ZMYM2: variants seen among roughly 807,000 people sequenced by gnomAD.
ZMYM2 encodes zinc finger MYM-type protein 2.
A neutral mutation model predicts 162.8 loss-of-function variants in ZMYM2; 56 were observed. That is an observed-to-expected ratio of 0.34 (90% CI 0.28 to 0.43). The LOEUF is 0.43. Among genes scored for constraint, ZMYM2 ranks in the 20% least tolerant of loss-of-function variants. The probability of loss-of-function intolerance (pLI) is 1.00; values close to 1 mark genes in which losing one functional copy is unlikely to be tolerated. For synonymous variants in ZMYM2, 510 were observed against 541.6 expected (o/e 0.94, Z 0.81); for missense variants, 1,275 against 1,621.8 (o/e 0.79, Z 3.67).
chr13:20,059,623 G>A, intron 16 of ZMYM2, 61 bp downstream of exon 16: 2 of 799,072 alleles, frequency 2.5e-6, no homozygotes, highest in Non-Finnish European at 4.5e-6. Flanking sequence ...TGGGAAAACA[G>A]TGTACAGTTG....
intron 2 of ZMYM2, among the ~76,000 whole-genome samples, chr13:19,980,256 C>T (rs1340921554): frequency 6.6e-6 from 1 of 151,902 alleles, no homozygotes; most frequent in Non-Finnish European, 1.5e-5. Flanking sequence ...CAGTTGCTTC[C>T]CAGTTGTTTT....
At chr13:19,912,212 T>G in the ZMYM2 span, among the ~76,000 whole-genome samples, 1 of 150,728 alleles carries the variant, frequency 6.6e-6, no homozygotes, top group East Asian at 2.0e-4. Flanking sequence ...AGGCCAGTAA[T>G]ACACTCTCAC....
At chr13:20,069,899 A>G (rs959921571) in intron 21 of ZMYM2, among the ~76,000 whole-genome samples, 1 of 151,900 alleles carries the variant, frequency 6.6e-6, no homozygotes, top group Non-Finnish European at 1.5e-5. Context: ...ATGCCCTGGT[A>G]TCTCAAAATC....
rs1958278717 is a variant in ZMYM2, at chr13:20,086,551, C to T, written c.*537C>T. The T allele has an allele frequency of 4.8e-6, 1 of 209,382 alleles. No homozygotes were observed. Among genetic ancestry groups the T allele is most frequent in the East Asian group, 7.1e-5 (1 of 14,008 alleles). The allele number at this position is 209,382 out of a possible 1,614,324, so 13.0% of individuals were successfully genotyped here. On this transcript the variant is annotated 3_prime_UTR_variant, in exon 25 of 25. Transcript: ENST00000610343. Reference sequence around the variant, plus strand: ...GGTTTTACATTTTAGTTACTGAAGCCTTACAAGGTTATGTAGAGAGATACC... The same window carrying T: ...GGTTTTACATTTTAGTTACTGAAGCTTTACAAGGTTATGTAGAGAGATACC...
At chr13:19,905,006 A>ATTTTTTT in the ZMYM2 span, among the ~76,000 whole-genome samples, 2 of 129,920 alleles carry the variant, frequency 1.5e-5, no homozygotes, top group Admixed American at 8.3e-5. Flanking sequence ...CTTGCTTTCA[A>ATTTTTTT]TTTTTTTTTT....
intron 21 of ZMYM2, among the ~76,000 whole-genome samples, chr13:20,073,021 C>A (rs1208194818): frequency 6.6e-6 from 1 of 151,934 alleles, no homozygotes; most frequent in Non-Finnish European, 1.5e-5. Context: ...TGAATCCCTG[C>A]CTCAGCCTCC....
the ZMYM2 span, among the ~76,000 whole-genome samples, chr13:19,918,328 C>G: frequency 0.29 from 43,181 of 150,958 alleles, 7,094 homozygotes; most frequent in Non-Finnish European, 0.38. Context: ...GCCTATAGTC[C>G]CAGATACTTG....
chr13:20,027,870 C>A (rs1952726553), intron 9 of ZMYM2: 1 of 163,978 alleles, frequency 6.1e-6, no homozygotes, highest in Non-Finnish European at 1.3e-5. Context: ...AAGATAGATT[C>A]TTGGAAGCGT....
intron 2 of ZMYM2, among the ~76,000 whole-genome samples, chr13:19,973,687 A>C (rs1451804926): frequency 6.7e-6 from 1 of 149,438 alleles, no homozygotes; most frequent in Non-Finnish European, 1.5e-5. Context: ...AAAAAAAAAA[A>C]AACACCAAAA....
chr13:20,067,537 GATAA>G, intron 21 of ZMYM2, 147 bp downstream of exon 21: 4 of 853,762 alleles, frequency 4.7e-6, no homozygotes, highest in Non-Finnish European at 6.8e-6. Flanking sequence ...ATATATAAAT[GATAA>G]TCAGGATGAC....
chr13:19,915,797 C>G, the ZMYM2 span, among the ~76,000 whole-genome samples: 1 of 151,994 alleles, frequency 6.6e-6, no homozygotes, highest in Non-Finnish European at 1.5e-5. Flanking sequence ...AGCCACTGCA[C>G]CTGGTCTGCT....
chr13:19,908,637 T>C, the ZMYM2 span, among the ~76,000 whole-genome samples: 1 of 152,242 alleles, frequency 6.6e-6, no homozygotes. Flanking sequence ...ATTATTTCAC[T>C]AAGTGTTTAT....
At chr13:19,923,225 C>T in the ZMYM2 span, among the ~76,000 whole-genome samples, 15 of 146,644 alleles carry the variant, frequency 1.0e-4, no homozygotes, top group East Asian at 3.1e-3. Context: ...GGCCTGATGG[C>T]GGGCGCCTGT....
chr13:19,980,718 A>C (rs1028673108), intron 2 of ZMYM2, among the ~76,000 whole-genome samples: 1 of 133,946 alleles, frequency 7.5e-6, no homozygotes, highest in Non-Finnish European at 1.5e-5. Flanking sequence ...GTGTCACTGC[A>C]CTCCAGCCTG....
At chr13:19,924,608 A>G in the ZMYM2 span, among the ~76,000 whole-genome samples, 6 of 152,178 alleles carry the variant, frequency 3.9e-5, no homozygotes, top group Non-Finnish European at 8.8e-5. Flanking sequence ...AATGTCCTCA[A>G]GGCTGCTCTA....
chr13:20,088,923 A>G lies in ZMYM2; in HGVS notation c.*2909A>G, dbSNP rs369635821. On this transcript the variant is annotated 3_prime_UTR_variant, in exon 25 of 25. Transcript: ENST00000610343. ...GGGTTCATTTAATCTGAGATCTTAA[A>G]TATCTTGCAGCCTTAAATCACTACA... is the stretch of plus-strand genomic sequence containing the variant. The G allele has an allele frequency of 1.0e-4, 20 of 197,314 alleles. No individual in the cohort carries two copies. In the East Asian group the frequency reaches 1.3e-3, roughly 13 times the overall value. The allele number at this position is 197,314 out of a possible 1,614,324, so 12.2% of individuals were successfully genotyped here.
chr13:19,888,846 G>A, the ZMYM2 span, among the ~76,000 whole-genome samples: 7 of 151,734 alleles, frequency 4.6e-5, no homozygotes, highest in African/African-American at 1.5e-4. Flanking sequence ...TGATCCACCC[G>A]CCACGGCCTC....
At chr13:20,059,375 T>C (rs1956064033) in intron 15 of ZMYM2, 72 bp from the exon 16 acceptor site, 1 of 1,515,576 alleles carries the variant, frequency 6.6e-7, no homozygotes, top group African/African-American at 1.4e-5. Flanking sequence ...CTTTATCAAA[T>C]TATTTTAACA....
the ZMYM2 span, among the ~76,000 whole-genome samples, chr13:19,910,144 G>A: frequency 2.6e-5 from 4 of 151,836 alleles, no homozygotes; most frequent in Non-Finnish European, 4.4e-5. Context: ...GGAGAATGGC[G>A]TGAACCCGGG....
Sources: gnomAD v4.1 joint callset for allele counts (sites outside exome capture counted in the v4.1 genomes callset) on GRCh38, gnomAD v4.1.1 for gene constraint, MANE v1.5 for transcripts, NCBI Gene and HGNC (gene_info 2026-07-23, HGNC 2026-07-21) for gene names.